FZR1: variants seen among roughly 807,000 people sequenced by gnomAD.
FZR1 encodes fizzy-related protein homolog.
A neutral mutation model predicts 63.6 loss-of-function variants in FZR1; 11 were observed. The ratio of observed to expected loss-of-function variants is 0.17; its 90% confidence interval spans 0.11 to 0.29. FZR1 has a LOEUF of 0.29. FZR1 is among the 10% of genes least tolerant of loss of function. FZR1 has a pLI of 1.00. For synonymous variants in FZR1, 328 were observed against 297.9 expected (o/e 1.10, Z -1.04); for missense variants, 440 against 687.5 (o/e 0.64, Z 4.03).
chr19:3,512,760 A>C (rs972269824), intron 1 of FZR1, among the ~76,000 whole-genome samples: 1 of 152,092 alleles, frequency 6.6e-6, no homozygotes, highest in African/African-American at 2.4e-5. Context: ...AGGACATCCA[A>C]ATGTGACCCG....
At chr19:3,528,361 C>T (rs2083183498) in intron 7 of FZR1, among the ~76,000 whole-genome samples, 1 of 152,230 alleles carries the variant, frequency 6.6e-6, no homozygotes, top group South Asian at 2.1e-4. Flanking sequence ...CGAGGGTTGG[C>T]GCCCTCCCTG....
At position 3,534,821 on chromosome 19, in the gene FZR1, C is replaced by G; in HGVS notation, c.1467C>G (p.Phe489Leu). The change falls in exon 14 of 14, where the codon TTC (phenylalanine) becomes TTG (leucine). Residue 489 changes from phenylalanine (F) to leucine (L), a missense_variant. Phe to Leu is a conservative substitution (Grantham distance 22). Around this residue, in one of 5 missense-constraint regions of FZR1, gnomAD observed 28 missense variants for 26.3 expected, o/e 1.06. Coordinates refer to ENST00000441788, the MANE Select transcript of FZR1 (RefSeq NM_016263.4). ...AGTCTGTGTCTGTGCTCAACCTCTT[C>G]ACCAGGATCCGGTAAACCTGCCGGG... ...TKESVSVLNL[F>L]TRIR The G allele has an allele frequency of 1.2e-6, 2 of 1,612,866 alleles. No homozygotes were observed. The highest frequency in any genetic ancestry group is 1.7e-6 in the Non-Finnish European group (2 of 1,179,668).
At position 3,526,072 on chromosome 19, in the gene FZR1, G is replaced by A. The variant is rs759620883; in HGVS notation, c.196-48G>A. The A allele has an allele frequency of 6.2e-7, 1 of 1,611,918 alleles. No individual in the cohort carries two copies. Among genetic ancestry groups the A allele is most frequent in the Non-Finnish European group, 8.5e-7 (1 of 1,179,326 alleles). ...CCCAGCCTCCTTGCTCTAGGGCCGGGAACAAGCGGGCTCCTCGACCCCTCC... is the reference window on the plus strand; with the variant it reads ...CCCAGCCTCCTTGCTCTAGGGCCGGAAACAAGCGGGCTCCTCGACCCCTCC... On this transcript the variant is annotated intron_variant, in intron 3 of 13. Coordinates refer to ENST00000441788, the MANE Select transcript of FZR1 (RefSeq NM_016263.4). This position sits in a 1 kb window ranked among gnomAD's most constrained non-coding sequence, Gnocchi z 5.4.
At chr19:3,520,404 C>T (rs1345152002) in intron 1 of FZR1, among the ~76,000 whole-genome samples, 2 of 152,234 alleles carry the variant, frequency 1.3e-5, no homozygotes, top group Non-Finnish European at 2.9e-5. Flanking sequence ...GGCCCATGTG[C>T]TTTGGGCTGA....
intron 1 of FZR1, among the ~76,000 whole-genome samples, chr19:3,510,797 G>T (rs928899845): frequency 2.6e-5 from 4 of 152,214 alleles, no homozygotes; most frequent in Non-Finnish European, 5.9e-5. Flanking sequence ...AACACCTCGG[G>T]ACATCTGTGC....
chr19:3,511,455 C>T (rs1193476259), intron 1 of FZR1, among the ~76,000 whole-genome samples: 1 of 152,246 alleles, frequency 6.6e-6, no homozygotes, highest in Non-Finnish European at 1.5e-5. Flanking sequence ...GGAATCGCAG[C>T]ACTTTGGGAG....
chr19:3,534,262 T>G, intron 12 of FZR1, 159 bp from the exon 13 acceptor site: 2 of 474,746 alleles, frequency 4.2e-6, no homozygotes, highest in South Asian at 3.9e-5. Flanking sequence ...CCAACCTTGG[T>G]TTCTGCTTGT....
At position 3,526,526 on chromosome 19, in the gene FZR1, T is replaced by G; in HGVS notation, c.387+140T>G. On this transcript the variant is annotated intron_variant, in intron 5 of 13. Coordinates refer to ENST00000441788, the MANE Select transcript of FZR1 (RefSeq NM_016263.4). This position sits in a 1 kb window ranked among gnomAD's most constrained non-coding sequence, Gnocchi z 5.4. Reference sequence around the variant, plus strand: ...GCTCAGCACCCCCGCCCTGACCCTGTTCCTTAGCCAGGTCAGGGGCCCTGG... The same window carrying G: ...GCTCAGCACCCCCGCCCTGACCCTGGTCCTTAGCCAGGTCAGGGGCCCTGG... The G allele has an allele frequency of 1.5e-6, 1 of 648,370 alleles. No homozygotes were observed. Among genetic ancestry groups the G allele is most frequent in the Non-Finnish European group, 2.6e-6 (1 of 377,400 alleles). 40.2% of individuals were successfully genotyped at this position (648,370 alleles called of 1,614,324 possible).
At chr19:3,527,210 CTG>C in intron 6 of FZR1, 148 bp downstream of exon 6, 1 of 705,854 alleles carries the variant, frequency 1.4e-6, no homozygotes. Flanking sequence ...TGGCCTGGAG[CTG>C]TGACTGTGTC....
rs767573922 is a variant in FZR1 at position 3,530,797 on chromosome 19, G to A, written c.660G>A (p.Thr220=). 1.9e-5 allele frequency: 30 copies of A among 1,612,728 alleles called. No homozygotes were observed. In the East Asian group the frequency reaches 2.0e-4, roughly 11 times the overall value. ...YLWSACTSQV[T]RLCDLSVEGD... Reference sequence around the variant, plus strand: ...ACACTGACCTCTGCCTCCAGGTGACGCGGCTCTGTGACCTCTCAGTGGAAG... The same window carrying A: ...ACACTGACCTCTGCCTCCAGGTGACACGGCTCTGTGACCTCTCAGTGGAAG... The change falls in exon 8 of 14, where the codon ACG becomes ACA. Residue 220 remains threonine, a synonymous_variant. Coordinates refer to ENST00000441788, the MANE Select transcript of FZR1 (RefSeq NM_016263.4).
At position 3,524,669 on chromosome 19, in the gene FZR1, G is replaced by A. The variant is rs752012093; in HGVS notation, c.70-1199G>A. Among the ~76,000 whole-genome samples the A allele has an allele frequency of 2.4e-4, 37 of 152,242 alleles. 1 individual carries two copies. The highest frequency in any genetic ancestry group is 3.9e-4 in the Admixed American group (6 of 15,294). On this transcript the variant is annotated intron_variant, in intron 2 of 13. Coordinates refer to ENST00000441788, the MANE Select transcript of FZR1 (RefSeq NM_016263.4). ...CTCCCAGTCCTGGGGGTCCGGAGTC[G>A]GAGGTCACGGTGTGGGCAGGGCCAC...
chr19:3,531,048 C>T (rs560829384), intron 8 of FZR1, among the ~76,000 whole-genome samples, 191 bp downstream of exon 8: 45 of 152,166 alleles, frequency 3.0e-4, no homozygotes, highest in African/African-American at 9.9e-4. Context: ...GAGCAGGCAC[C>T]CACCAGGCCC....
rs1568236550 is a variant in FZR1, at chr19:3,527,827, TG to T, written c.654+17del. On this transcript the variant is annotated intron_variant, in intron 7 of 13. Transcript: ENST00000441788. Reference sequence around the variant, plus strand: ...CTGTACCAGCCAGGTGGGTGCTGCGTGGGGTGTGCATGTGCATGGGGGCCTC... The same window carrying T: ...CTGTACCAGCCAGGTGGGTGCTGCGTGGGTGTGCATGTGCATGGGGGCCTC... 2.5e-6 allele frequency: 4 copies of T among 1,600,968 alleles called. No homozygotes were observed. The highest frequency in any genetic ancestry group is 3.4e-6 in the Non-Finnish European group (4 of 1,170,722).
Position 3,525,681 on chromosome 19 carries a change from A to C in FZR1, c.70-187A>C, listed in dbSNP as rs1048708020. Among the ~76,000 whole-genome samples the C allele has an allele frequency of 1.3e-5, 2 of 151,880 alleles. No individual in the cohort carries two copies. Among genetic ancestry groups the C allele is most frequent in the Non-Finnish European group, 1.5e-5 (1 of 67,958 alleles). On this transcript the variant is annotated intron_variant, in intron 2 of 13. Coordinates refer to ENST00000441788, the MANE Select transcript of FZR1 (RefSeq NM_016263.4). The surrounding 1 kb of genome is among the most constrained non-coding windows in gnomAD (Gnocchi z 4.2). ...ATGGTCTTGATCTCCTGACCTCGTG[A>C]TCCGCCCGCCTCGGCCTCCCAAAGT... is the stretch of plus-strand genomic sequence containing the variant.
In FZR1 at chr19:3,532,441, C is replaced by A; in HGVS notation, c.1033C>A (p.Leu345Met). 1 of 1,595,138 alleles carries A rather than the reference C, an allele frequency of 6.3e-7. No homozygotes were observed. Reference protein sequence around the residue: ...NKLLVWNHSSLSPVQQYTEHL... With the variant: ...NKLLVWNHSSMSPVQQYTEHL... ...GCTGCTGGTCTGGAATCACTCGAGC[C>A]TGAGCCCCGTGCAGCAGTACACGGA... The change falls in exon 11 of 14, where the codon CTG becomes ATG. Residue 345 changes from leucine to methionine, a missense_variant. Leu to Met is a conservative substitution (Grantham distance 15). Around this residue, in one of 5 missense-constraint regions of FZR1, gnomAD observed 208 missense variants for 363.6 expected, o/e 0.57. Transcript: ENST00000441788.
chr19:3,532,380 C>T (rs2083257325), intron 10 of FZR1, 37 bp from the exon 11 acceptor site: 2 of 1,517,006 alleles, frequency 1.3e-6, no homozygotes, highest in Non-Finnish European at 1.8e-6. Context: ...GACCACAGGG[C>T]TGGGACAGCC....
chr19:3,532,208 G>T, intron 10 of FZR1, 113 bp downstream of exon 10: 1 of 1,055,964 alleles, frequency 9.5e-7, no homozygotes, highest in Non-Finnish European at 1.3e-6. Context: ...CCACTCCACA[G>T]CCATCAGCAG....
At position 3,526,028 on chromosome 19, in the gene FZR1, C is replaced by A. The variant is rs773263261; in HGVS notation, c.195+35C>A. ...TGGCTGGGCAGGAGATGGGACCCCC[C>A]GGGAAGCCCAGGGCCCCTCCCAGCC... On this transcript the variant is annotated intron_variant, in intron 3 of 13. Transcript: ENST00000441788. This position sits in a 1 kb window ranked among gnomAD's most constrained non-coding sequence, Gnocchi z 5.4. 5 of 1,611,048 alleles carry A rather than the reference C, an allele frequency of 3.1e-6. No individual in the cohort carries two copies. In the Admixed American group the frequency reaches 5.0e-5, roughly 16 times the overall value.
intron 12 of FZR1, among the ~76,000 whole-genome samples, chr19:3,534,043 C>G (rs2083273175): frequency 6.6e-6 from 1 of 150,978 alleles, no homozygotes; most frequent in Non-Finnish European, 1.5e-5. Context: ...GGCAACATAG[C>G]AAGACCCCAT....
Sources: gnomAD v4.1 joint callset for allele counts (sites outside exome capture counted in the v4.1 genomes callset) on GRCh38, gnomAD v4.1.1 for gene constraint, gnomAD v4.1.1 regional missense constraint, Gnocchi (gnomAD v3.1) non-coding constraint, MANE v1.5 for transcripts, NCBI Gene and HGNC (gene_info 2026-07-23, HGNC 2026-07-21) for gene names.